The following NHSL1 variants were observed in gnomAD, a reference collection of about 807,000 sequenced individuals.
NHSL1 encodes NHS-like protein 1.
A neutral mutation model predicts 95.0 loss-of-function variants in NHSL1; 48 were observed. The observed-to-expected ratio is 0.51, with a 90% confidence interval of 0.40 to 0.64. The LOEUF is 0.64. Among genes scored for constraint, NHSL1 ranks in the 30% least tolerant of loss-of-function variants. NHSL1 has a pLI of 0.00. For synonymous variants in NHSL1, 783 were observed against 833.9 expected, an observed-to-expected ratio of 0.94 and a Z score of 1.05; for missense variants, 1,971 against 2,077.7, an observed-to-expected ratio of 0.95 and a Z score of 1.00.
rs1398894802 is a variant in NHSL1 at position 138,624,627 on chromosome 6, T to C, written c.96+67849A>G. Among the ~76,000 whole-genome samples the C allele has an allele frequency of 2.6e-5, 4 of 152,276 alleles. No homozygotes were observed. The East Asian group carries it at 5.8e-4, about 22-fold the overall frequency. ...ACAATTAAGATCTCTCAGAAACCTT[T>C]TGCTGAGTGACACTCAGATCACTGA... is the stretch of plus-strand genomic sequence containing the variant. On this transcript the variant is annotated intron_variant, in intron 1 of 3. Coordinates refer to the NHSL1 transcript ENST00000491526.
chr6:138,577,047 A>T (rs1470118063), upstream of NHSL1, among the ~76,000 whole-genome samples: 1 of 152,244 alleles, frequency 6.6e-6, no homozygotes, highest in South Asian at 2.1e-4. Flanking sequence ...ATGAATTTGG[A>T]AAGATTTATC....
At chr6:138,546,643 C>T (rs768826160), upstream of NHSL1, among the ~76,000 whole-genome samples, 1 of 151,924 alleles carries the variant, frequency 6.6e-6, no homozygotes, top group Non-Finnish European at 1.5e-5. Context: ...AACAAGAAAA[C>T]CACTTGAGTA....
chr6:138,509,502 G>T (rs1279869360), intron 1 of NHSL1, among the ~76,000 whole-genome samples: 1 of 152,170 alleles, frequency 6.6e-6, no homozygotes, highest in African/African-American at 2.4e-5. Flanking sequence ...AAAAAAATGA[G>T]AGCAAAGGAA....
chr6:138,490,568 C>T (rs1180525494), intron 2 of NHSL1, among the ~76,000 whole-genome samples: 1 of 152,204 alleles, frequency 6.6e-6, no homozygotes, highest in South Asian at 2.1e-4. Flanking sequence ...AGTCTGCTGT[C>T]GGTAACTGTA....
chr6:138,463,628 A>G (rs973621746), intron 3 of NHSL1, among the ~76,000 whole-genome samples: 2 of 151,462 alleles, frequency 1.3e-5, no homozygotes, highest in Non-Finnish European at 2.9e-5. Flanking sequence ...GCACCTATCA[A>G]CCCGTCGTCT....
chr6:138,558,194 C>T (rs1310713038), intron 1 of NHSL1, among the ~76,000 whole-genome samples: 1 of 151,980 alleles, frequency 6.6e-6, no homozygotes, highest in Non-Finnish European at 1.5e-5. Context: ...GCGGACTCGG[C>T]TGACTGCAAC....
chr6:138,482,002 TA>T (rs1353380948), intron 2 of NHSL1, among the ~76,000 whole-genome samples: 1 of 152,176 alleles, frequency 6.6e-6, no homozygotes, highest in Non-Finnish European at 1.5e-5. Context: ...ATGGAATCTA[TA>T]AAGACAAAAC....
intron 1 of NHSL1, among the ~76,000 whole-genome samples, chr6:138,581,065 C>T (rs1227040224): frequency 1.3e-5 from 2 of 152,170 alleles, no homozygotes; most frequent in East Asian, 3.9e-4. Context: ...TGCAGCCCTG[C>T]CAACACTTTG....
chr6:138,636,795 T>C (rs1373142382), intron 1 of NHSL1, among the ~76,000 whole-genome samples: 1 of 152,148 alleles, frequency 6.6e-6, no homozygotes, highest in Non-Finnish European at 1.5e-5. Flanking sequence ...TCCACGTTCA[T>C]GGATTGGAAA....
rs151031805 is a variant in NHSL1 at position 138,511,419 on chromosome 6, T to C, written c.17-15048A>G. Among the ~76,000 whole-genome samples the C allele has an allele frequency of 4.0e-3, 614 of 151,886 alleles. 4 individuals are homozygous for C. Among genetic ancestry groups the C allele is most frequent in the African/African-American group, 0.015 (603 of 41,436 alleles). ...GAGAGAGTGTGTGTGTGTATGTGTG[T>C]GTGTGAGAGAGAGTGTGTATGTGTG... On this transcript the variant is annotated intron_variant, in intron 1 of 4. Transcript: ENST00000342260.
At chr6:138,643,609 C>A (rs952338198) in intron 1 of NHSL1, among the ~76,000 whole-genome samples, 4 of 152,186 alleles carry the variant, frequency 2.6e-5, no homozygotes, top group African/African-American at 9.7e-5. Context: ...GCACTTAGAA[C>A]CTCTGACAAA....
intron 1 of NHSL1, among the ~76,000 whole-genome samples, chr6:138,593,437 T>C (rs971095688): frequency 6.6e-6 from 1 of 152,236 alleles, no homozygotes; most frequent in Non-Finnish European, 1.5e-5. Flanking sequence ...TTCACAATCA[T>C]GCTAATTCAC....
chr6:138,517,712 A>G (rs937161513), intron 1 of NHSL1, among the ~76,000 whole-genome samples: 1 of 152,252 alleles, frequency 6.6e-6, no homozygotes, highest in Admixed American at 6.5e-5. Context: ...CCTGCCAATC[A>G]GCCAGGACTG....
intron 1 of NHSL1, among the ~76,000 whole-genome samples, chr6:138,659,080 C>T (rs1252010411): frequency 2.9e-5 from 4 of 137,316 alleles, no homozygotes; most frequent in South Asian, 2.4e-4. Flanking sequence ...GACAGAGTCT[C>T]GCTCTGTCAC....
intron 1 of NHSL1, among the ~76,000 whole-genome samples, chr6:138,610,143 G>A (rs79369676): frequency 0.046 from 6,989 of 152,088 alleles, 224 homozygotes; most frequent in South Asian, 0.072. Context: ...GTCCCCTTCC[G>A]AGCCAACCAA....
At chr6:138,465,684 T>C (rs1778310794) in intron 3 of NHSL1, among the ~76,000 whole-genome samples, 3 of 152,126 alleles carry the variant, frequency 2.0e-5, no homozygotes, top group Admixed American at 2.0e-4. Flanking sequence ...TCTTTGCATT[T>C]TGCAGCATCT....
At chr6:138,502,260 C>T (rs1420554064), upstream of NHSL1, among the ~76,000 whole-genome samples, 1 of 152,048 alleles carries the variant, frequency 6.6e-6, no homozygotes. Context: ...GAAAGTTTAC[C>T]CAATCAATTG....
intron 1 of NHSL1, among the ~76,000 whole-genome samples, chr6:138,536,128 T>G (rs927012176): frequency 6.6e-6 from 1 of 152,192 alleles, no homozygotes; most frequent in Non-Finnish European, 1.5e-5. Flanking sequence ...ACCTGTGGTA[T>G]GGCATGTGTT....
intron 3 of NHSL1, chr6:138,464,247 C>A: frequency 1.2e-6 from 1 of 814,976 alleles, no homozygotes; most frequent in Non-Finnish European, 2.0e-6. Context: ...ACGGCCGGCA[C>A]CGTCCTCCTC....
Sources: gnomAD v4.1 joint callset for allele counts (sites outside exome capture counted in the v4.1 genomes callset) on GRCh38, gnomAD v4.1.1 for gene constraint, MANE v1.5 for transcripts, NCBI Gene and HGNC (gene_info 2026-07-23, HGNC 2026-07-21) for gene names.